RP1: variants seen among roughly 807,000 people sequenced by gnomAD.
RP1 encodes the protein oxygen-regulated protein 1.
A neutral mutation model predicts 14.8 loss-of-function variants in RP1; 16 were observed. The ratio of observed to expected loss-of-function variants is 1.08; its 90% confidence interval spans 0.73 to 1.65. The LOEUF (loss-of-function observed/expected upper bound fraction) is 1.65. RP1 is among the 40% of genes most tolerant of loss of function. The pLI is 0.00. For missense variants in RP1, 2,631 were observed against 2,535.0 expected (o/e 1.04, Z -0.81); for synonymous variants, 876 against 883.6 (o/e 0.99, Z 0.15).
At chr8:54,858,665 T>C (rs945212382) in intron 27 of RP1, among the ~76,000 whole-genome samples, 2 of 151,778 alleles carry the variant, frequency 1.3e-5, no homozygotes, top group African/African-American at 4.8e-5. Flanking sequence ...GTGGTGTCAC[T>C]GTGGAGCAGT....
chr8:54,598,878 C>T (rs998374159), intron 1 of RP1, among the ~76,000 whole-genome samples: 1 of 152,146 alleles, frequency 6.6e-6, no homozygotes, highest in Admixed American at 6.5e-5. Context: ...TGTCATTTCT[C>T]TCTGGTTCCT....
chr8:54,784,246 T>C (rs1563375527), intron 24 of RP1, among the ~76,000 whole-genome samples: 1 of 152,190 alleles, frequency 6.6e-6, no homozygotes, highest in Non-Finnish European at 1.5e-5. Context: ...TCCTCAATAA[T>C]CTTTACTTCG....
intron 18 of RP1, among the ~76,000 whole-genome samples, chr8:54,736,525 G>A (rs183720219): frequency 3.0e-4 from 46 of 152,304 alleles, no homozygotes; most frequent in African/African-American, 1.1e-3. Context: ...GGTGTGTGCC[G>A]TGCGCTGCAC....
intron 24 of RP1, among the ~76,000 whole-genome samples, chr8:54,788,947 C>T (rs1456587057): frequency 6.6e-6 from 1 of 152,156 alleles, no homozygotes; most frequent in Admixed American, 6.5e-5. Context: ...GAAGCAGTTA[C>T]ACTTTGACTG....
chr8:54,678,076 A>G (rs183999195), intron 8 of RP1, among the ~76,000 whole-genome samples: 76 of 152,318 alleles, frequency 5.0e-4, no homozygotes, highest in African/African-American at 1.8e-3. Context: ...TTTGAACTTT[A>G]AAAAACTTCC....
rs71513420 is a variant in RP1 at position 54,670,560 on chromosome 8, T to C, written c.1324-3290T>C. ...ATATATATGTATGTATATGTATATA[T>C]ATACATATATATGTATGTATATGTA... On this transcript the variant is annotated intron_variant, in intron 7 of 22. Coordinates refer to the RP1 transcript ENST00000636932. 1.2e-3 allele frequency among the ~76,000 whole-genome samples: 174 copies of C among 139,940 alleles called. 4 individuals are homozygous for C. The highest frequency in any genetic ancestry group is 1.8e-3 in the Admixed American group (24 of 13,460). 91.8% of individuals were successfully genotyped at this position (139,940 alleles called of 152,430 possible). A position where few individuals can be genotyped will look rare whatever the true frequency, so the allele number is the denominator to read the frequency against.
rs1672452597 is a variant in RP1 at position 54,630,156 on chromosome 8, A to G, written c.6274A>G (p.Asn2092Asp). The part of the protein sequence containing the change: ...NLNQVVRENI[N>D]CHYFFEMLGQ... ...CAACCAAGTAGTAAGAGAAAATATC[A>G]ACTGTCATTACTTCTTTGAAATGCT... Residue 2092 changes from asparagine to aspartate, a missense_variant, in exon 4 of 4, where the codon AAC becomes GAC. Physicochemically the swap from Asn to Asp is conservative, Grantham distance 23. Transcript: ENST00000220676. 6.2e-7 allele frequency: 1 copy of G among 1,613,834 alleles called. No homozygotes were observed. Among genetic ancestry groups the G allele is most frequent in the Non-Finnish European group, 8.5e-7 (1 of 1,179,940 alleles).
chr8:54,732,845 AC>A lies in RP1; in HGVS notation c.2522-1699del, dbSNP rs373986952. 4.2e-3 allele frequency among the ~76,000 whole-genome samples: 646 copies of A among 152,278 alleles called. 3 individuals are homozygous for A. Among genetic ancestry groups the A allele is most frequent in the African/African-American group, 0.015 (608 of 41,558 alleles). ...TTTTGTGATCATTTCTGGGTCAGCT[AC>A]TTCTGATGTAAATGGCATGGGATTC... On this transcript the variant is annotated intron_variant, in intron 17 of 22. Coordinates refer to the RP1 transcript ENST00000636932.
intron 12 of RP1, among the ~76,000 whole-genome samples, chr8:54,682,827 C>A (rs978151329): frequency 2.0e-5 from 3 of 151,992 alleles, no homozygotes; most frequent in African/African-American, 7.2e-5. Context: ...TCAATTTTTT[C>A]TTTTGTTGAA....
chr8:54,587,837 A>G (rs967714802), intron 1 of RP1, among the ~76,000 whole-genome samples: 1 of 152,188 alleles, frequency 6.6e-6, no homozygotes, highest in South Asian at 2.1e-4. Context: ...AGTATTTTAT[A>G]ATGCATGTTT....
chr8:54,656,203 C>A (rs1585584209), exon 6 of RP1: 2 of 1,535,030 alleles, frequency 1.3e-6, no homozygotes, highest in East Asian at 4.9e-5. Flanking sequence ...TAAAGGACAA[C>A]CTGTCCTTCC....
At chr8:54,740,024 TG>T (rs1809033789) in intron 19 of RP1, among the ~76,000 whole-genome samples, 1 of 150,866 alleles carries the variant, frequency 6.6e-6, no homozygotes. Flanking sequence ...CAACTGTTAC[TG>T]GGATGTGTGT....
chr8:54,729,563 A>G (rs912645623), intron 17 of RP1, among the ~76,000 whole-genome samples: 1 of 152,164 alleles, frequency 6.6e-6, no homozygotes, highest in Non-Finnish European at 1.5e-5. Flanking sequence ...TCAAGCATAC[A>G]GGAAAATCTT....
At chr8:54,771,742 G>A (rs1809913266), downstream of RP1, among the ~76,000 whole-genome samples, 1 of 151,928 alleles carries the variant, frequency 6.6e-6, no homozygotes, top group Non-Finnish European at 1.5e-5. Flanking sequence ...TATTTCTTGG[G>A]ATATGATTCT....
intron 16 of RP1, among the ~76,000 whole-genome samples, chr8:54,722,243 T>A (rs1417523806): frequency 4.8e-5 from 7 of 146,290 alleles, no homozygotes; most frequent in African/African-American, 1.5e-4. Context: ...ATTCTCCAAG[T>A]CATTTTATTA....
chr8:54,743,951 A>G (rs765770183), intron 19 of RP1, among the ~76,000 whole-genome samples: 18 of 152,206 alleles, frequency 1.2e-4, no homozygotes, highest in Non-Finnish European at 2.4e-4. Context: ...AGTTTCCCAC[A>G]TGAGTTTTGG....
At chr8:54,599,185 C>T (rs1187036458) in intron 1 of RP1, among the ~76,000 whole-genome samples, 1 of 151,958 alleles carries the variant, frequency 6.6e-6, no homozygotes, top group Non-Finnish European at 1.5e-5. Context: ...TATTGTACTA[C>T]CTTCAAGATA....
chr8:54,787,352 A>G (rs1795528554), intron 24 of RP1, among the ~76,000 whole-genome samples: 1 of 152,118 alleles, frequency 6.6e-6, no homozygotes, highest in Non-Finnish European at 1.5e-5. Context: ...GAATCTGTTT[A>G]TTGCCTGACA....
At chr8:54,587,195 T>C (rs1238881161) in intron 1 of RP1, among the ~76,000 whole-genome samples, 1 of 152,112 alleles carries the variant, frequency 6.6e-6, no homozygotes, top group Admixed American at 6.5e-5. Context: ...AGAATGCACA[T>C]CTTGCAGAAC....
Sources: allele counts gnomAD v4.1 joint callset (sites outside exome capture counted in the v4.1 genomes callset), GRCh38; gene constraint gnomAD v4.1.1; transcripts MANE v1.5; gene names NCBI Gene and HGNC (gene_info 2026-07-23, HGNC 2026-07-21).